Variants in MAX observed in about 807,000 individuals in gnomAD.
The protein encoded by MAX is protein max.
In MAX, 3 loss-of-function variants were observed where a neutral mutation model predicts 22.3. That is an observed-to-expected ratio of 0.13 (90% CI 0.06 to 0.35). MAX has a LOEUF of 0.35. MAX is among the 10% of genes least tolerant of loss of function. MAX has a pLI of 1.00. For missense variants in MAX, 119 were observed against 209.4 expected, an observed-to-expected ratio of 0.57 and a Z score of 2.66; for synonymous variants, 72 against 77.7, an observed-to-expected ratio of 0.93 and a Z score of 0.39.
chr14:65,015,292 A>G (rs767817855), intron 3 of MAX, among the ~76,000 whole-genome samples: 5 of 151,404 alleles, frequency 3.3e-5, no homozygotes, highest in Non-Finnish European at 7.4e-5. Context: ...TAATAGAGAC[A>G]GGGTTTCGCC....
intron 3 of MAX, among the ~76,000 whole-genome samples, chr14:65,063,650 G>C (rs1013095064): frequency 6.6e-5 from 10 of 152,078 alleles, no homozygotes; most frequent in African/African-American, 2.4e-4. Context: ...CTGCAGCCTC[G>C]ACCTCCTGGG....
rs768581554 is a variant in MAX at position 65,077,755 on chromosome 14, G to A, written c.295+158C>T. ...GGCGCCTCAGGTCCTTCCTCAGGAC[G>A]GCTCTAACACTCAGTTACTCAGGCC... On this transcript the variant is annotated intron_variant, in intron 4 of 4. Coordinates refer to ENST00000358664, the MANE Select transcript of MAX (RefSeq NM_002382.5). The surrounding 1 kb of genome is among the most constrained non-coding windows in gnomAD (Gnocchi z 6.3). 42 of 1,611,394 alleles carry A rather than the reference G, an allele frequency of 2.6e-5. No individual in the cohort carries two copies. Among genetic ancestry groups the A allele is most frequent in the Non-Finnish European group, 3.3e-5 (39 of 1,179,276 alleles).
rs550532681 is a variant in MAX, at chr14:65,093,209, C to T, written c.171+499G>A. Among the ~76,000 whole-genome samples, 2 of 152,150 alleles carry T rather than the reference C, an allele frequency of 1.3e-5. No individual in the cohort carries two copies. Among genetic ancestry groups the T allele is most frequent in the Non-Finnish European group, 2.9e-5 (2 of 68,016 alleles). On this transcript the variant is annotated intron_variant, in intron 3 of 4. Coordinates refer to ENST00000358664, the MANE Select transcript of MAX (RefSeq NM_002382.5). This position sits in a 1 kb window ranked among gnomAD's most constrained non-coding sequence, Gnocchi z 4.4. ...CCCACAGCTTAAAATGCTCTTTATA[C>T]GCCTTGGAAATAACAATTATTGGGG...
At chr14:65,061,546 G>A in intron 3 of MAX, 1 of 562,820 alleles carries the variant, frequency 1.8e-6, no homozygotes, top group Non-Finnish European at 2.9e-6. Context: ...AGCCCACGTG[G>A]TGTGGTTGGT....
At position 65,093,614 on chromosome 14, in the gene MAX, A is replaced by G. The variant is rs774176862; in HGVS notation, c.171+94T>C. 16 of 772,720 alleles carry G rather than the reference A, an allele frequency of 2.1e-5. No homozygotes were observed. The highest frequency in any genetic ancestry group is 8.5e-5 in the African/African-American group (5 of 59,046). The allele number at this position is 772,720 out of a possible 1,614,324, so 47.9% of individuals were successfully genotyped here. A position where few individuals can be genotyped will look rare whatever the true frequency, so the allele number is the denominator to read the frequency against. ...CCATGCTACCTGAATATCTCTGACT[A>G]CATTTCCTTCCCAATAGGTGAGTGC... On this transcript the variant is annotated intron_variant, in intron 3 of 4. Transcript: ENST00000358664. The surrounding 1 kb of genome is among the most constrained non-coding windows in gnomAD (Gnocchi z 4.4).
chr14:65,015,526 C>T, intron 3 of MAX: 1 of 1,270,126 alleles, frequency 7.9e-7, no homozygotes. Flanking sequence ...CCCTCCTCCC[C>T]CTTGCCAGGC....
At chr14:65,060,697 C>CAAAA (rs59036615) in intron 3 of MAX, among the ~76,000 whole-genome samples, 1 of 48,608 alleles carries the variant, frequency 2.1e-5, no homozygotes, top group East Asian at 5.1e-4. Context: ...GACTCCGTCT[C>CAAAA]AAAAAAAAAA....
At position 65,088,883 on chromosome 14, in the gene MAX, T is replaced by C. The variant is rs1217716049; in HGVS notation, c.171+4825A>G. Among the ~76,000 whole-genome samples, 1 of 152,226 alleles carries C rather than the reference T, an allele frequency of 6.6e-6. No homozygotes were observed. Among genetic ancestry groups the C allele is most frequent in the Non-Finnish European group, 1.5e-5 (1 of 68,028 alleles). Reference sequence around the variant, plus strand: ...AGTATAAATGCTATGAGAGCCTTTATCCTTAAGAATCATGTTCCCTGCCAT... The same window carrying C: ...AGTATAAATGCTATGAGAGCCTTTACCCTTAAGAATCATGTTCCCTGCCAT... On this transcript the variant is annotated intron_variant, in intron 3 of 4. Transcript: ENST00000358664. This position sits in a 1 kb window ranked among gnomAD's most constrained non-coding sequence, Gnocchi z 5.2.
At chr14:65,016,627 G>A (rs187371887) in intron 3 of MAX, 3 of 152,422 alleles carry the variant, frequency 2.0e-5, no homozygotes, top group East Asian at 3.9e-4. Context: ...CAGTCACATT[G>A]TCAGGTCAGA....
At position 65,102,508 on chromosome 14, in the gene MAX, C is replaced by A. The variant is rs1041640361; in HGVS notation, c.-169G>T. The A allele has an allele frequency of 1.0e-5, 15 of 1,481,338 alleles. No homozygotes were observed. The highest frequency in any genetic ancestry group is 2.8e-5 in the African/African-American group (2 of 72,228). 91.8% of individuals were successfully genotyped at this position (1,481,338 alleles called of 1,614,324 possible). A position where few individuals can be genotyped will look rare whatever the true frequency, so the allele number is the denominator to read the frequency against. On this transcript the variant is annotated 5_prime_UTR_variant, in exon 1 of 5. Transcript: ENST00000358664. ...ACACACACAACACGGGCAAGAACCA[C>A]CTCCTCACTGCAGCACCGGATCAAC... is the stretch of plus-strand genomic sequence containing the variant.
At chr14:65,046,470 G>C (rs574611952) in intron 3 of MAX, among the ~76,000 whole-genome samples, 1 of 152,216 alleles carries the variant, frequency 6.6e-6, no homozygotes, top group Non-Finnish European at 1.5e-5. Flanking sequence ...AGTCTTCCAG[G>C]GGGGCTGCTG....
chr14:65,075,094 C>T (rs2063025343), downstream of MAX: 1 of 1,012,922 alleles, frequency 9.9e-7, no homozygotes. The surrounding 1 kb of genome is among the most constrained non-coding windows in gnomAD (Gnocchi z 4.1). Context: ...ACCACCTTGG[C>T]CTTAACAAGG....
chr14:65,102,038 G>T (rs991523170), intron 1 of MAX, among the ~76,000 whole-genome samples: 2 of 152,180 alleles, frequency 1.3e-5, no homozygotes, highest in African/African-American at 2.4e-5. Context: ...AGGTGGGAGC[G>T]GGAGGCCGCA....
At chr14:65,026,021 A>G (rs2061973187) in intron 3 of MAX, among the ~76,000 whole-genome samples, 1 of 152,242 alleles carries the variant, frequency 6.6e-6, no homozygotes, top group Non-Finnish European at 1.5e-5. Context: ...GAAAGCAATT[A>G]AATGTGATGT....
At chr14:65,087,549 G>A (rs1477196720) in intron 3 of MAX, among the ~76,000 whole-genome samples, 2 of 152,220 alleles carry the variant, frequency 1.3e-5, no homozygotes, top group African/African-American at 4.8e-5. Context: ...TGACTGCCCT[G>A]CTGGATTTTG....
At chr14:65,081,419 C>G (rs747153872) in intron 3 of MAX, among the ~76,000 whole-genome samples, 1 of 152,198 alleles carries the variant, frequency 6.6e-6, no homozygotes, top group Non-Finnish European at 1.5e-5. Context: ...CCACTCCATA[C>G]AAGATCATGT....
chr14:65,012,525 G>A lies in MAX; in HGVS notation c.172-6241C>T. On this transcript the variant is annotated intron_variant, in intron 3 of 3. Transcript: ENST00000341653. This position sits in a 1 kb window ranked among gnomAD's most constrained non-coding sequence, Gnocchi z 5.0. ...TTGTTCTCTGTGGCTCTGGCAGGAG[G>A]TAGGGTGCTGTCACAGAGCTGGGAC... 2 of 1,210,140 alleles carry A rather than the reference G, an allele frequency of 1.7e-6. No homozygotes were observed. The highest frequency in any genetic ancestry group is 2.8e-5 in the South Asian group (2 of 70,364). 75.0% of individuals were successfully genotyped at this position (1,210,140 alleles called of 1,614,324 possible).
At position 65,027,297 on chromosome 14, in the gene MAX, T is replaced by C. The variant is rs980937199; in HGVS notation, c.172-21013A>G. The C allele has an allele frequency of 9.5e-6, 11 of 1,160,236 alleles. No homozygotes were observed. The highest frequency in any genetic ancestry group is 6.2e-5 in the African/African-American group (4 of 65,040). The allele number at this position is 1,160,236 out of a possible 1,614,324, so 71.9% of individuals were successfully genotyped here. A position where few individuals can be genotyped will look rare whatever the true frequency, so the allele number is the denominator to read the frequency against. On this transcript the variant is annotated intron_variant, in intron 3 of 3. Transcript: ENST00000341653. The surrounding 1 kb of genome is among the most constrained non-coding windows in gnomAD (Gnocchi z 5.7). ...ATAGCTGGAGAGAGAATTAAGCCCT[T>C]TGGGGAGAGGTTATATTCAACAAGT...
At position 65,054,992 on chromosome 14, in the gene MAX, G is replaced by A. The variant is rs1402751389; in HGVS notation, c.171+38716C>T. Among the ~76,000 whole-genome samples, 2 of 152,176 alleles carry A rather than the reference G, an allele frequency of 1.3e-5. No homozygotes were observed. The highest frequency in any genetic ancestry group is 2.4e-5 in the African/African-American group (1 of 41,458). ...TTCCCCTAGAGGAGGCCACAGTTACGTGTCACTCTGAGGCTGTGAGTCCCA... is the reference window on the plus strand; with the variant it reads ...TTCCCCTAGAGGAGGCCACAGTTACATGTCACTCTGAGGCTGTGAGTCCCA... On this transcript the variant is annotated intron_variant, in intron 3 of 3. Transcript: ENST00000341653. The surrounding 1 kb of genome is among the most constrained non-coding windows in gnomAD (Gnocchi z 4.4).
Sources: allele counts gnomAD v4.1 joint callset (sites outside exome capture counted in the v4.1 genomes callset), GRCh38; gene constraint gnomAD v4.1.1; non-coding constraint Gnocchi (gnomAD v3.1); transcripts MANE v1.5; gene names NCBI Gene and HGNC (gene_info 2026-07-23, HGNC 2026-07-21).